Variants in LMBR1 observed in about 807,000 individuals in gnomAD.
The protein encoded by LMBR1 is limb development membrane protein 1, also known as limb region 1 protein homolog.
A neutral mutation model predicts 73.9 loss-of-function variants in LMBR1; 52 were observed. That is an observed-to-expected ratio of 0.70 (90% CI 0.56 to 0.89). The LOEUF is 0.89. LMBR1 is among the 40% of genes least tolerant of loss of function. LMBR1 has a pLI of 0.00. For missense variants in LMBR1, 539 were observed against 579.8 expected, an observed-to-expected ratio of 0.93 and a Z score of 0.72; for synonymous variants, 215 against 209.4, an observed-to-expected ratio of 1.03 and a Z score of -0.23.
At chr7:156,759,798 G>A (rs1182459138) in intron 8 of LMBR1, among the ~76,000 whole-genome samples, 1 of 152,160 alleles carries the variant, frequency 6.6e-6, no homozygotes, top group Non-Finnish European at 1.5e-5. Flanking sequence ...GTAATGGAGA[G>A]AGCACACCTG....
At chr7:156,675,637 T>G (rs1209965174), downstream of LMBR1, 39 of 1,499,518 alleles carry the variant, frequency 2.6e-5, no homozygotes, top group East Asian at 2.3e-4. Context: ...TCGAGAGCGC[T>G]TCCCTGCAAC....
chr7:156,781,222 G>A (rs1175917477), intron 5 of LMBR1, among the ~76,000 whole-genome samples: 3 of 152,118 alleles, frequency 2.0e-5, no homozygotes, highest in Admixed American at 6.6e-5. Flanking sequence ...GCAATGCCAC[G>A]TGACAATTTA....
chr7:156,877,450 C>T (rs1306011869), intron 1 of LMBR1, among the ~76,000 whole-genome samples: 2 of 152,092 alleles, frequency 1.3e-5, no homozygotes, highest in Non-Finnish European at 2.9e-5. Flanking sequence ...ACCAATAAAA[C>T]AAACTACAGA....
At chr7:156,804,312 TG>T (rs1388690231) in intron 4 of LMBR1, among the ~76,000 whole-genome samples, 9 of 152,278 alleles carry the variant, frequency 5.9e-5, no homozygotes, top group African/African-American at 2.2e-4. Context: ...CAATCTATGT[TG>T]TTCCCAATTT....
chr7:156,840,449 G>A (rs531725132), intron 1 of LMBR1, among the ~76,000 whole-genome samples: 6 of 151,842 alleles, frequency 4.0e-5, no homozygotes, highest in South Asian at 2.1e-4. Flanking sequence ...GCCAAGGGTC[G>A]GAGGCAATAA....
chr7:156,892,718 G>A (rs1306783202), intron 1 of LMBR1: 2 of 373,908 alleles, frequency 5.3e-6, no homozygotes, highest in Non-Finnish European at 9.5e-6. Flanking sequence ...GGCAGAGGAA[G>A]CGAAGGGGAG....
At chr7:156,719,842 C>T (rs1242922195) in intron 15 of LMBR1, among the ~76,000 whole-genome samples, 1 of 152,142 alleles carries the variant, frequency 6.6e-6, no homozygotes, top group Non-Finnish European at 1.5e-5. Flanking sequence ...CTGACAAAAA[C>T]AAGAAATGGG....
At chr7:156,696,734 A>T (rs1391253302) in intron 15 of LMBR1, among the ~76,000 whole-genome samples, 1 of 152,206 alleles carries the variant, frequency 6.6e-6, no homozygotes, top group Non-Finnish European at 1.5e-5. Flanking sequence ...GCATGTGAGA[A>T]TTCAAGATGA....
intron 1 of LMBR1, among the ~76,000 whole-genome samples, chr7:156,874,772 C>A (rs148120907): frequency 6.6e-6 from 1 of 152,132 alleles, no homozygotes; most frequent in African/African-American, 2.4e-5. Context: ...TGGAACACCC[C>A]GGGAGACAAA....
intron 5 of LMBR1, among the ~76,000 whole-genome samples, chr7:156,783,168 T>C (rs1314669802): frequency 6.6e-6 from 1 of 152,128 alleles, no homozygotes; most frequent in Non-Finnish European, 1.5e-5. Flanking sequence ...ATTTAGGTTT[T>C]CTTCAACATC....
At chr7:156,829,023 C>T (rs73166185) in intron 3 of LMBR1, among the ~76,000 whole-genome samples, 6,077 of 151,870 alleles carry the variant, frequency 0.04, 174 homozygotes, top group Non-Finnish European at 0.049. Context: ...TCCGCTTTTA[C>T]GTGCCTACCT....
At chr7:156,732,076 T>C (rs1816939258) in intron 10 of LMBR1, among the ~76,000 whole-genome samples, 1 of 151,754 alleles carries the variant, frequency 6.6e-6, no homozygotes, top group South Asian at 2.1e-4. Context: ...GAAATGAAAA[T>C]AAATGAACAT....
chr7:156,836,540 CG>C (rs1837672121), intron 2 of LMBR1, among the ~76,000 whole-genome samples: 1 of 152,104 alleles, frequency 6.6e-6, no homozygotes, highest in East Asian at 1.9e-4. Context: ...CTTATAAACT[CG>C]GGAATTTCCC....
At chr7:156,842,593 G>A (rs1038386018) in intron 1 of LMBR1, among the ~76,000 whole-genome samples, 1 of 152,154 alleles carries the variant, frequency 6.6e-6, no homozygotes, top group African/African-American at 2.4e-5. Flanking sequence ...TCTTCCTCAA[G>A]GGGAACTGGG....
At chr7:156,733,935 C>A in intron 10 of LMBR1, 3 of 311,240 alleles carry the variant, frequency 9.6e-6, no homozygotes, top group South Asian at 1.1e-4. Flanking sequence ...GGCAATGGAG[C>A]AACATCTTTG....
intron 1 of LMBR1, among the ~76,000 whole-genome samples, chr7:156,866,175 T>C (rs1015370142): frequency 3.7e-4 from 56 of 152,234 alleles, no homozygotes; most frequent in African/African-American, 1.3e-3. Flanking sequence ...GGAAGTCATA[T>C]GTCTGATAGG....
intron 9 of LMBR1, 52 bp downstream of exon 9, chr7:156,756,341 T>C: frequency 1.1e-6 from 1 of 890,982 alleles, no homozygotes; most frequent in Non-Finnish European, 1.8e-6. Context: ...TCTATCTTTT[T>C]GAAATTAAAA....
chr7:156,725,762 A>G lies in LMBR1; in HGVS notation c.1067+2T>C. Reference sequence around the variant, plus strand: ...CTGAACGTTCAGTTAAAGAAAGGATACAAAATCAAAATGATTTCAAGCGCA... The same window carrying G: ...CTGAACGTTCAGTTAAAGAAAGGATGCAAAATCAAAATGATTTCAAGCGCA... On this transcript the variant is annotated splice_donor_variant, in intron 13 of 16. Transcript: ENST00000353442. LOFTEE classifies it high-confidence loss of function. The G allele has an allele frequency of 6.2e-7, 1 of 1,612,358 alleles. No homozygotes were observed. Among genetic ancestry groups the G allele is most frequent in the Non-Finnish European group, 8.5e-7 (1 of 1,179,206 alleles).
At chr7:156,788,440 A>G (rs1345849613) in intron 5 of LMBR1, among the ~76,000 whole-genome samples, 1 of 152,090 alleles carries the variant, frequency 6.6e-6, no homozygotes, top group East Asian at 1.9e-4. Flanking sequence ...CATTATAGGC[A>G]TTAGTTAAGC....
Sources: gnomAD v4.1 joint callset for allele counts (sites outside exome capture counted in the v4.1 genomes callset) on GRCh38, gnomAD v4.1.1 for gene constraint, MANE v1.5 for transcripts, NCBI Gene and HGNC (gene_info 2026-07-23, HGNC 2026-07-21) for gene names.